Variants in CNTNAP2 observed in about 807,000 individuals in gnomAD.
CNTNAP2 encodes the protein contactin associated protein 2.
A neutral mutation model predicts 155.2 loss-of-function variants in CNTNAP2; 98 were observed. The ratio of observed to expected loss-of-function variants is 0.63; its 90% CI spans 0.54 to 0.75. The LOEUF is 0.75. CNTNAP2 is among the 30% of genes least tolerant of loss of function. The pLI is 0.00. For missense variants in CNTNAP2, 1,727 were observed against 1,688.1 expected (o/e 1.02, Z -0.40); for synonymous variants, 651 against 631.2 (o/e 1.03, Z -0.47).
Position 148,224,313 on chromosome 7 carries a change from C to A in CNTNAP2, c.3248-5333C>A, listed in dbSNP as rs189667585. Among the ~76,000 whole-genome samples, 8 of 150,994 alleles carry A rather than the reference C, an allele frequency of 5.3e-5. No individual in the cohort carries two copies. In the East Asian group the frequency reaches 1.8e-3, roughly 34 times the overall value. On this transcript the variant is annotated intron_variant, in intron 19 of 23. Transcript: ENST00000361727. ...TCCCAAACAATGGACTATTTTAATG[C>A]TATTGGGTAAAGGAAAAACCGAGTA...
Position 148,067,418 on chromosome 7 carries a change from G to A in CNTNAP2, c.2384-50700G>A, listed in dbSNP as rs140894586. On this transcript the variant is annotated intron_variant, in intron 15 of 23. Transcript: ENST00000361727. ...AGCTACTGGACTCTGACCTGGTACT[G>A]GGGAGTATCTGCAAAGAGTCCTGTG... Among the ~76,000 whole-genome samples the A allele has an allele frequency of 4.8e-3, 733 of 152,316 alleles. 4 individuals carry two copies. Among genetic ancestry groups the A allele is most frequent in the African/African-American group, 0.016 (660 of 41,558 alleles).
chr7:146,433,291 T>G (rs1363968737), intron 1 of CNTNAP2, among the ~76,000 whole-genome samples: 1 of 152,066 alleles, frequency 6.6e-6, no homozygotes, highest in East Asian at 1.9e-4. Context: ...TTGGTCTCTC[T>G]TAACTTAATT....
chr7:147,780,027 C>T (rs1797640378), intron 13 of CNTNAP2, among the ~76,000 whole-genome samples: 1 of 152,118 alleles, frequency 6.6e-6, no homozygotes. Flanking sequence ...TTTTCACATA[C>T]CTTGTGTAAT....
chr7:148,078,527 C>A (rs1246733266), intron 15 of CNTNAP2, among the ~76,000 whole-genome samples: 1 of 152,096 alleles, frequency 6.6e-6, no homozygotes, highest in Non-Finnish European at 1.5e-5. Context: ...GTTGCCCAGG[C>A]TGGAGTGCAA....
chr7:146,590,966 C>G (rs690254), intron 1 of CNTNAP2, among the ~76,000 whole-genome samples: 1 of 151,986 alleles, frequency 6.6e-6, no homozygotes, highest in Non-Finnish European at 1.5e-5. Flanking sequence ...TGTGACTAAG[C>G]ATAAGAAAAT....
intron 11 of CNTNAP2, among the ~76,000 whole-genome samples, chr7:147,559,659 G>C (rs114053817): frequency 0.014 from 2,056 of 152,212 alleles, 48 homozygotes; most frequent in African/African-American, 0.048. Context: ...TGGCAGATTG[G>C]ACAAAGGGAC....
At chr7:147,938,382 C>T (rs74743425) in intron 14 of CNTNAP2, among the ~76,000 whole-genome samples, 8,140 of 151,890 alleles carry the variant, frequency 0.054, 292 homozygotes, top group South Asian at 0.14. Context: ...TAGACACTGA[C>T]CCATACATAA....
rs115341797 is a variant in CNTNAP2, at chr7:147,214,924, T to G, written c.1348+82415T>G. ...GGTCATGATAGAAGGTGAGGGGGAA[T>G]CAAGCACCTTCCTCACAAGGCAGCA... On this transcript the variant is annotated intron_variant, in intron 8 of 23. Coordinates refer to ENST00000361727, the MANE Select transcript of CNTNAP2 (RefSeq NM_014141.6). Among the ~76,000 whole-genome samples the G allele has an allele frequency of 6.0e-3, 908 of 152,168 alleles. 7 individuals are homozygous for G. Among genetic ancestry groups the G allele is most frequent in the African/African-American group, 0.021 (865 of 41,522 alleles).
rs202172931 is a variant in CNTNAP2 at position 146,163,499 on chromosome 7, C to CTATATATCTA, written c.97+46560_97+46569dup. Among the ~76,000 whole-genome samples the CTATATATCTA allele has an allele frequency of 1.6e-3, 148 of 91,988 alleles. 1 individual carries two copies. Among genetic ancestry groups the CTATATATCTA allele is most frequent in the African/African-American group, 4.6e-3 (134 of 29,180 alleles). 60.3% of individuals were successfully genotyped at this position (91,988 alleles called of 152,430 possible). On this transcript the variant is annotated intron_variant, in intron 1 of 23. Coordinates refer to ENST00000361727, the MANE Select transcript of CNTNAP2 (RefSeq NM_014141.6). ...TATATATATCTATCTATATCTATATCTATATATCTATATATATCTATATAT... is the reference window on the plus strand; with the variant it reads ...TATATATATCTATCTATATCTATATCTATATATCTATATATATCTATATATATCTATATAT...
intron 1 of CNTNAP2, among the ~76,000 whole-genome samples, chr7:146,148,140 TC>T (rs1239332671): frequency 6.6e-6 from 1 of 152,120 alleles, no homozygotes; most frequent in African/African-American, 2.4e-5. Context: ...ACAATGATGT[TC>T]TTTTATTTTT....
intron 18 of CNTNAP2, among the ~76,000 whole-genome samples, chr7:148,207,556 G>A (rs1261332207): frequency 6.6e-6 from 1 of 152,180 alleles, no homozygotes; most frequent in East Asian, 1.9e-4. Flanking sequence ...GGAGTCATGG[G>A]ACCGGATTGA....
intron 3 of CNTNAP2, among the ~76,000 whole-genome samples, chr7:146,932,374 C>A (rs1256791307): frequency 6.6e-6 from 1 of 151,590 alleles, no homozygotes. Flanking sequence ...AGGCCTTTGA[C>A]AAAATTCAAC....
chr7:148,197,399 A>C (rs1795294960), intron 18 of CNTNAP2, among the ~76,000 whole-genome samples: 1 of 152,214 alleles, frequency 6.6e-6, no homozygotes, highest in African/African-American at 2.4e-5. Context: ...AAAACAAAAT[A>C]GTCTTTTAGA....
At chr7:147,177,014 A>G (rs1802362675) in intron 8 of CNTNAP2, among the ~76,000 whole-genome samples, 1 of 141,058 alleles carries the variant, frequency 7.1e-6, no homozygotes, top group Non-Finnish European at 1.5e-5. Context: ...ATTATATATA[A>G]TTCTATATAG....
rs147611412 is a variant in CNTNAP2, at chr7:147,506,908, T to C, written c.1777+20867T>C. On this transcript the variant is annotated intron_variant, in intron 11 of 23. Coordinates refer to ENST00000361727, the MANE Select transcript of CNTNAP2 (RefSeq NM_014141.6). ...TTCTAGCCCCAACTCTGTCACTTAC[T>C]GTGGGTGTGAGCTGAGGCTAGTGAT... Among the ~76,000 whole-genome samples, 3 of 152,352 alleles carry C rather than the reference T, an allele frequency of 2.0e-5. 1 individual carries two copies. The highest frequency in any genetic ancestry group is 7.2e-5 in the African/African-American group (3 of 41,590).
intron 18 of CNTNAP2, among the ~76,000 whole-genome samples, chr7:148,196,102 T>C (rs985680360): frequency 1.3e-5 from 2 of 152,298 alleles, no homozygotes; most frequent in African/African-American, 4.8e-5. Flanking sequence ...AAACAGCATT[T>C]TTAAAGAGTT....
intron 1 of CNTNAP2, among the ~76,000 whole-genome samples, chr7:146,579,751 C>A (rs542125341): frequency 1.2e-4 from 18 of 152,200 alleles, no homozygotes; most frequent in Admixed American, 2.6e-4. Context: ...ACCAAAAATA[C>A]AAACGACATT....
chr7:148,045,122 A>T (rs1802753060), intron 15 of CNTNAP2, among the ~76,000 whole-genome samples: 1 of 152,150 alleles, frequency 6.6e-6, no homozygotes, highest in Non-Finnish European at 1.5e-5. Flanking sequence ...ACATGAAATA[A>T]CAGAAGCAGC....
chr7:147,403,311 C>T (rs1373352619), intron 10 of CNTNAP2, among the ~76,000 whole-genome samples: 2 of 152,198 alleles, frequency 1.3e-5, no homozygotes, highest in Non-Finnish European at 2.9e-5. Context: ...ACTGTTGTCT[C>T]ATGTCTCCCT....
Sources: allele counts gnomAD v4.1 joint callset (sites outside exome capture counted in the v4.1 genomes callset), GRCh38; gene constraint gnomAD v4.1.1; transcripts MANE v1.5; gene names NCBI Gene and HGNC (gene_info 2026-07-23, HGNC 2026-07-21).